EMCN: variants seen among roughly 807,000 people sequenced by gnomAD.
EMCN encodes the protein endomucin, also known as MUC-14.
In EMCN, 37 loss-of-function variants were observed where a neutral mutation model predicts 38.4. The ratio of observed to expected loss-of-function variants is 0.96; its 90% CI spans 0.74 to 1.27. The LOEUF is 1.27. Ranked by LOEUF, EMCN falls within the 50% of genes most tolerant of loss-of-function variation. The pLI is 0.00. For missense variants in EMCN, 318 were observed against 302.8 expected, an observed-to-expected ratio of 1.05 and a Z score of -0.37; for synonymous variants, 95 against 100.8, an observed-to-expected ratio of 0.94 and a Z score of 0.35.
chr4:100,493,057 T>A (rs1729126301), intron 1 of EMCN, among the ~76,000 whole-genome samples: 1 of 152,222 alleles, frequency 6.6e-6, no homozygotes, highest in African/African-American at 2.4e-5. Context: ...ATCATGTTTA[T>A]AACTCAATGA....
At chr4:100,446,065 C>T (rs1727663085) in intron 5 of EMCN, 1 of 984,938 alleles carries the variant, frequency 1.0e-6, no homozygotes, top group Non-Finnish European at 1.2e-6. Flanking sequence ...TTCAGTCCCT[C>T]CTTAAAGAGA....
chr4:100,443,410 T>C (rs867076514), intron 5 of EMCN, among the ~76,000 whole-genome samples: 52 of 152,322 alleles, frequency 3.4e-4, no homozygotes, highest in African/African-American at 1.2e-3. Context: ...AGTGGGGTAA[T>C]CAATGTGCAG....
In EMCN at chr4:100,396,214, C is replaced by G. The variant is rs1726114588; in HGVS notation, c.*2199G>C. ...GGACATCTCTGTAAACTTCTCAATC[C>G]TCCTTTGACCTTTTTGAAAGATTTA... On this transcript the variant is annotated 3_prime_UTR_variant, in exon 12 of 12. Transcript: ENST00000296420. 1 of 152,080 alleles carries G rather than the reference C, an allele frequency of 6.6e-6. No individual in the cohort carries two copies. The highest frequency in any genetic ancestry group is 1.5e-5 in the Non-Finnish European group (1 of 68,018). The allele number at this position is 152,080 out of a possible 1,614,324, so 9.4% of individuals were successfully genotyped here. A position where few individuals can be genotyped will look rare whatever the true frequency, so the allele number is the denominator to read the frequency against.
intron 10 of EMCN, among the ~76,000 whole-genome samples, chr4:100,414,480 C>T (rs1181503277): frequency 1.3e-5 from 2 of 148,926 alleles, no homozygotes; most frequent in Admixed American, 1.4e-4. Context: ...TATGGGTACA[C>T]TTTGCTCCTT....
intron 4 of EMCN, among the ~76,000 whole-genome samples, chr4:100,451,644 A>T (rs1302378011): frequency 6.6e-6 from 1 of 151,950 alleles, no homozygotes; most frequent in Non-Finnish European, 1.5e-5. Flanking sequence ...CATGAGAACA[A>T]GTGTGGTATA....
intron 1 of EMCN, among the ~76,000 whole-genome samples, chr4:100,484,482 G>A (rs192248757): frequency 5.9e-5 from 9 of 152,148 alleles, no homozygotes; most frequent in Non-Finnish European, 1.2e-4. Context: ...GAACTCCTGC[G>A]CTCAAGATAT....
intron 2 of EMCN, among the ~76,000 whole-genome samples, chr4:100,476,280 C>T (rs1215917051): frequency 6.7e-6 from 1 of 148,434 alleles, no homozygotes; most frequent in African/African-American, 2.5e-5. Flanking sequence ...TTTCCTTCCC[C>T]TTTTTCTTCT....
chr4:100,475,864 G>A (rs1330484157), intron 2 of EMCN, among the ~76,000 whole-genome samples: 2 of 151,330 alleles, frequency 1.3e-5, no homozygotes, highest in African/African-American at 2.4e-5. Flanking sequence ...ATTTTTTGTT[G>A]GTAGAGACGG....
At chr4:100,422,780 C>CT (rs1726924170) in intron 7 of EMCN, among the ~76,000 whole-genome samples, 1 of 145,552 alleles carries the variant, frequency 6.9e-6, no homozygotes, top group East Asian at 2.0e-4. Flanking sequence ...CCAAACTGTG[C>CT]TTTTTTTCCT....
At chr4:100,432,960 A>T (rs1187561441) in intron 5 of EMCN, among the ~76,000 whole-genome samples, 1 of 152,192 alleles carries the variant, frequency 6.6e-6, no homozygotes, top group African/African-American at 2.4e-5. Context: ...ATATAATTAT[A>T]CACTTTAGTT....
chr4:100,491,429 G>C (rs1187161437), intron 1 of EMCN, among the ~76,000 whole-genome samples: 1 of 152,134 alleles, frequency 6.6e-6, no homozygotes, highest in Non-Finnish European at 1.5e-5. Context: ...TTTTAGCAAA[G>C]ATCAGAGGCT....
At chr4:100,437,814 A>G (rs747031036) in intron 5 of EMCN, among the ~76,000 whole-genome samples, 2 of 152,028 alleles carry the variant, frequency 1.3e-5, no homozygotes, top group Non-Finnish European at 2.9e-5. Flanking sequence ...TTTGTAATAT[A>G]ATTTTAACTC....
chr4:100,489,070 A>T (rs1729013125), intron 1 of EMCN, among the ~76,000 whole-genome samples: 1 of 152,198 alleles, frequency 6.6e-6, no homozygotes, highest in South Asian at 2.1e-4. Context: ...CATTTTATAG[A>T]TGGAGAAACC....
At chr4:100,504,929 C>T (rs1184694576) in intron 1 of EMCN, among the ~76,000 whole-genome samples, 1 of 152,256 alleles carries the variant, frequency 6.6e-6, no homozygotes, top group African/African-American at 2.4e-5. Context: ...CACTCCTAGT[C>T]TGCTTTCATG....
At chr4:100,416,995 TA>T (rs1306115931) in intron 9 of EMCN, 121 bp downstream of exon 9, 15 of 968,358 alleles carry the variant, frequency 1.5e-5, no homozygotes, top group East Asian at 1.2e-4. Context: ...GACAAACAGT[TA>T]AAGCCAATAT....
intron 1 of EMCN, among the ~76,000 whole-genome samples, chr4:100,513,556 A>C (rs962810408): frequency 6.6e-6 from 1 of 152,182 alleles, no homozygotes; most frequent in Non-Finnish European, 1.5e-5. Context: ...TTGATACCCA[A>C]AAATAAGTAG....
chr4:100,480,028 C>T lies in EMCN; in HGVS notation c.76G>A (p.Ala26Thr). The T allele has an allele frequency of 6.2e-7, 1 of 1,603,930 alleles. No homozygotes were observed. Among genetic ancestry groups the T allele is most frequent in the Admixed American group, 1.7e-5 (1 of 58,012 alleles). ...CSSNSTGVLE[A>T]ANNSLVVTTT... ...GTAACAACAAGTGAATTATTAGCTG[C>T]CTCTAAAACACCTGAAAAAAGTAAA... Residue 26 changes from alanine to threonine, a missense_variant, in exon 2 of 12, where the codon GCA (alanine) becomes ACA (threonine). Transcript: ENST00000296420.
intron 4 of EMCN, among the ~76,000 whole-genome samples, chr4:100,449,113 A>G (rs1310362633): frequency 6.6e-6 from 1 of 152,130 alleles, no homozygotes; most frequent in African/African-American, 2.4e-5. Context: ...TTACCAGTAG[A>G]AACATATGGA....
rs575733078 is a variant in EMCN, at chr4:100,395,887, A to C, written c.*2526T>G. 1 of 152,188 alleles carries C rather than the reference A, an allele frequency of 6.6e-6. No individual in the cohort carries two copies. Among genetic ancestry groups the C allele is most frequent in the African/African-American group, 2.4e-5 (1 of 41,454 alleles). 9.4% of individuals were successfully genotyped at this position (152,188 alleles called of 1,614,324 possible). A position where few individuals can be genotyped will look rare whatever the true frequency, so the allele number is the denominator to read the frequency against. ...AGTGCCAGTTAATTAGCTTTTGTTT[A>C]TGTTTTGACTATTGATAGACTTAAA... On this transcript the variant is annotated 3_prime_UTR_variant, in exon 12 of 12. Coordinates refer to ENST00000296420, the MANE Select transcript of EMCN (RefSeq NM_016242.4).
Sources: gnomAD v4.1 joint callset for allele counts (sites outside exome capture counted in the v4.1 genomes callset) on GRCh38, gnomAD v4.1.1 for gene constraint, MANE v1.5 for transcripts, NCBI Gene and HGNC (gene_info 2026-07-23, HGNC 2026-07-21) for gene names.